Variants in PIEZO2 observed in about 807,000 individuals in gnomAD.
The protein encoded by PIEZO2 is piezo-type mechanosensitive ion channel component 2.
In PIEZO2, 172 loss-of-function variants were observed where a neutral mutation model predicts 337.3. The ratio of observed to expected loss-of-function variants is 0.51; its 90% confidence interval spans 0.45 to 0.58. The LOEUF is 0.58. PIEZO2 is among the 20% of genes least tolerant of loss of function. The probability of loss-of-function intolerance (pLI) is 0.00; values close to 1 mark genes in which losing one functional copy is unlikely to be tolerated. For missense variants in PIEZO2, 3,028 were observed against 3,391.3 expected, an observed-to-expected ratio of 0.89 and a Z score of 2.66; for synonymous variants, 1,251 against 1,228.5, an observed-to-expected ratio of 1.02 and a Z score of -0.38.
chr18:10,827,567 G>A (rs1278683891), intron 7 of PIEZO2, among the ~76,000 whole-genome samples: 1 of 151,978 alleles, frequency 6.6e-6, no homozygotes, highest in Non-Finnish European at 1.5e-5. Flanking sequence ...TGAAGCTTAG[G>A]TGGTATTAGG....
At chr18:10,972,160 G>C (rs1360364452) in intron 3 of PIEZO2, among the ~76,000 whole-genome samples, 4 of 130,508 alleles carry the variant, frequency 3.1e-5, no homozygotes, top group Non-Finnish European at 3.3e-5. Context: ...GTGACAGAGC[G>C]AGACTCCGCC....
intron 5 of PIEZO2, among the ~76,000 whole-genome samples, chr18:10,865,487 A>C (rs1030523539): frequency 2.6e-5 from 4 of 152,164 alleles, no homozygotes; most frequent in African/African-American, 9.7e-5. Context: ...TATAATTCAA[A>C]GGATTTGTTG....
At chr18:10,858,647 G>A (rs183678553) in intron 5 of PIEZO2, among the ~76,000 whole-genome samples, 6 of 152,230 alleles carry the variant, frequency 3.9e-5, no homozygotes, top group East Asian at 1.9e-4. Context: ...CCAAGTTCAC[G>A]GGAGGAAGGC....
rs1384546792 is a variant in PIEZO2, at chr18:11,102,575, G to C, written c.65-36353C>G. 6.6e-6 allele frequency among the ~76,000 whole-genome samples: 1 copy of C among 152,190 alleles called. No homozygotes were observed. Among genetic ancestry groups the C allele is most frequent in the Non-Finnish European group, 1.5e-5 (1 of 68,030 alleles). ...GCATCGGGGGTGAAGCATCATGCCA[G>C]CTTGTTTTGCGTCTGGCTTGGATCA... On this transcript the variant is annotated intron_variant, in intron 1 of 55. Coordinates refer to ENST00000674853, the MANE Select transcript of PIEZO2 (RefSeq NM_001378183.1). The surrounding 1 kb of genome is among the most constrained non-coding windows in gnomAD (Gnocchi z 5.7).
At chr18:10,976,195 T>C (rs1470408459) in intron 3 of PIEZO2, among the ~76,000 whole-genome samples, 1 of 152,238 alleles carries the variant, frequency 6.6e-6, no homozygotes, top group Non-Finnish European at 1.5e-5. Flanking sequence ...CTGGTCTGTG[T>C]CAATCTTGGA....
intron 3 of PIEZO2, among the ~76,000 whole-genome samples, chr18:10,922,424 A>G (rs576236997): frequency 4.6e-5 from 7 of 152,128 alleles, no homozygotes; most frequent in Non-Finnish European, 8.8e-5. Flanking sequence ...TGAGACAGAC[A>G]AAGAGATGAG....
At chr18:10,790,501 A>C (rs1245725407) in intron 14 of PIEZO2, among the ~76,000 whole-genome samples, 1 of 152,218 alleles carries the variant, frequency 6.6e-6, no homozygotes, top group Non-Finnish European at 1.5e-5. Flanking sequence ...TAAAATTATC[A>C]AGGTGATAAC....
intron 33 of PIEZO2, chr18:10,739,787 A>G (rs2037146873): frequency 1.3e-5 from 2 of 152,176 alleles, no homozygotes; most frequent in South Asian, 4.1e-4. Flanking sequence ...TTTTGTTGTA[A>G]TGTTGAAATT....
chr18:10,826,327 T>C (rs371777650), intron 7 of PIEZO2, among the ~76,000 whole-genome samples: 1 of 152,348 alleles, frequency 6.6e-6, no homozygotes, highest in South Asian at 2.1e-4. Flanking sequence ...AAATATGAGT[T>C]CCTAATGATG....
At chr18:10,927,431 C>A (rs565602184) in intron 3 of PIEZO2, among the ~76,000 whole-genome samples, 2 of 152,088 alleles carry the variant, frequency 1.3e-5, no homozygotes, top group Non-Finnish European at 1.5e-5. Context: ...GCCTTGGCTC[C>A]CCCAGGCCAT....
At position 10,716,745 on chromosome 18, in the gene PIEZO2, A is replaced by T. The variant is rs535213633; in HGVS notation, c.5090-929T>A. Among the ~76,000 whole-genome samples the T allele has an allele frequency of 4.6e-5, 7 of 152,276 alleles. No homozygotes were observed. Among genetic ancestry groups the T allele is most frequent in the Admixed American group, 2.0e-4 (3 of 15,292 alleles). ...CCTCTAGCTGCTCTGTGTAGACATA[A>T]AGGGGAAGCTTGGCTCTGGAGGATG... On this transcript the variant is annotated intron_variant, in intron 37 of 55. Transcript: ENST00000674853. This position sits in a 1 kb window ranked among gnomAD's most constrained non-coding sequence, Gnocchi z 4.1.
At chr18:10,793,263 A>AG in intron 13 of PIEZO2, among the ~76,000 whole-genome samples, 1 of 152,106 alleles carries the variant, frequency 6.6e-6, no homozygotes, top group African/African-American at 2.4e-5. Context: ...CGTCTCAAAA[A>AG]AAAAAAATGT....
At position 11,064,829 on chromosome 18, in the gene PIEZO2, A is replaced by T. The variant is rs539182252; in HGVS notation, c.160+1298T>A. Among the ~76,000 whole-genome samples, 13 of 152,246 alleles carry T rather than the reference A, an allele frequency of 8.5e-5. No individual in the cohort carries two copies. In the East Asian group the frequency reaches 1.4e-3, roughly 16 times the overall value. The stretch of plus-strand genomic sequence containing the variant: ...GCACTTTATTGTGAATGCACGCACA[A>T]CCTTCTTTCTTTGGAAAAGGAGCTC... On this transcript the variant is annotated intron_variant, in intron 2 of 55. Coordinates refer to ENST00000674853, the MANE Select transcript of PIEZO2 (RefSeq NM_001378183.1).
At chr18:10,789,989 T>C (rs1455302705) in intron 14 of PIEZO2, among the ~76,000 whole-genome samples, 3 of 152,248 alleles carry the variant, frequency 2.0e-5, no homozygotes, top group African/African-American at 7.2e-5. Context: ...TGAATAATTA[T>C]TTCAAAATAA....
chr18:11,138,391 A>G (rs6505622), intron 1 of PIEZO2, among the ~76,000 whole-genome samples: 130,695 of 152,240 alleles, frequency 0.86, 56,413 homozygotes, highest in African/African-American at 0.95. Context: ...TGCCTCTGGG[A>G]CTCAAGCAAT....
In PIEZO2 at chr18:10,767,004, C is replaced by T. The variant is rs1398801838; in HGVS notation, c.2946+3144G>A. Among the ~76,000 whole-genome samples, 123 of 148,160 alleles carry T rather than the reference C, an allele frequency of 8.3e-4. No individual in the cohort carries two copies. Among genetic ancestry groups the T allele is most frequent in the African/African-American group, 2.9e-3 (117 of 40,430 alleles). On this transcript the variant is annotated intron_variant, in intron 21 of 55. Transcript: ENST00000674853. The surrounding 1 kb of genome is among the most constrained non-coding windows in gnomAD (Gnocchi z 4.2). Reference sequence around the variant, plus strand: ...CCTTCCATTCCCTCCCCTCCCCTCCCCTCCCCTTCCCTCCCCTCCCCTTCC... The same window carrying T: ...CCTTCCATTCCCTCCCCTCCCCTCCTCTCCCCTTCCCTCCCCTCCCCTTCC...
In PIEZO2 at chr18:10,750,702, G is replaced by T. The variant is rs568892729; in HGVS notation, c.4168-515C>A. ...AGTATTTTTTGTAGATTGGCAGGTG[G>T]TTGTCTCATAACAATGAATTTTTTG... On this transcript the variant is annotated intron_variant, in intron 28 of 55. Transcript: ENST00000674853. This position sits in a 1 kb window ranked among gnomAD's most constrained non-coding sequence, Gnocchi z 4.1. 6.6e-6 allele frequency among the ~76,000 whole-genome samples: 1 copy of T among 152,300 alleles called. No individual in the cohort carries two copies. Among genetic ancestry groups the T allele is most frequent in the South Asian group, 2.1e-4 (1 of 4,816 alleles).
chr18:11,124,863 C>A (rs1019891365), intron 1 of PIEZO2, among the ~76,000 whole-genome samples: 2 of 152,188 alleles, frequency 1.3e-5, no homozygotes, highest in Admixed American at 1.3e-4. Context: ...TTAGATCATT[C>A]TGGCAGAAAT....
chr18:11,014,874 C>G (rs188613783), intron 2 of PIEZO2, among the ~76,000 whole-genome samples: 11 of 129,694 alleles, frequency 8.5e-5, no homozygotes, highest in African/African-American at 3.3e-4. Flanking sequence ...CGATCCAAGG[C>G]CCCCTCATTC....
Sources: allele counts gnomAD v4.1 joint callset (sites outside exome capture counted in the v4.1 genomes callset), GRCh38; gene constraint gnomAD v4.1.1; non-coding constraint Gnocchi (gnomAD v3.1); transcripts MANE v1.5; gene names NCBI Gene and HGNC (gene_info 2026-07-23, HGNC 2026-07-21).